Variants in NCOA3 observed in about 807,000 individuals in gnomAD.
The protein encoded by NCOA3 is CBP-interacting protein.
In NCOA3, 51 loss-of-function variants were observed where a neutral mutation model predicts 158.8. That is an observed-to-expected ratio of 0.32 (90% CI 0.26 to 0.41). The LOEUF (loss-of-function observed/expected upper bound fraction) is 0.41, where lower values mean the gene tolerates loss of function less well. NCOA3 is among the 10% of genes least tolerant of loss of function. NCOA3 has a pLI of 1.00. For synonymous variants in NCOA3, 537 were observed against 592.4 expected, an observed-to-expected ratio of 0.91 and a Z score of 1.36; for missense variants, 1,510 against 1,746.6, an observed-to-expected ratio of 0.86 and a Z score of 2.41.
intron 1 of NCOA3, among the ~76,000 whole-genome samples, chr20:47,563,490 A>G (rs543983248): frequency 4.6e-5 from 7 of 152,314 alleles, no homozygotes; most frequent in African/African-American, 1.7e-4. Context: ...AAAAAGGGAA[A>G]AAAATGGTAC....
chr20:47,643,249 C>T (rs1182708568), intron 17 of NCOA3, among the ~76,000 whole-genome samples: 1 of 152,206 alleles, frequency 6.6e-6, no homozygotes, highest in Non-Finnish European at 1.5e-5. Flanking sequence ...GGAGGGGCCA[C>T]TGTATAGGTT....
At chr20:47,583,696 T>G (rs1472691143) in intron 2 of NCOA3, among the ~76,000 whole-genome samples, 1 of 152,232 alleles carries the variant, frequency 6.6e-6, no homozygotes, top group African/African-American at 2.4e-5. Context: ...TGACTCATGT[T>G]TATAATCCTA....
intron 2 of NCOA3, among the ~76,000 whole-genome samples, chr20:47,600,495 C>G (rs2085842910): frequency 6.8e-6 from 1 of 147,928 alleles, no homozygotes; most frequent in South Asian, 2.2e-4. Flanking sequence ...ATTTTAAAAG[C>G]TTAAATGTGT....
Position 47,652,564 on chromosome 20 carries a change from A to T in NCOA3, c.4105A>T (p.Asn1369Tyr), listed in dbSNP as rs763715352. ...AGAAATGAAGGGCTGGCCATCAGGA[A>T]ATTTGGCCAGGAACAGGTAAAGAAC... ...SSEMKGWPSG[N>Y]LARNSSFSQQ... is the part of the protein sequence containing the mutation. Residue 1369 changes from asparagine to tyrosine, a missense_variant, in exon 21 of 23, where the codon AAT becomes TAT. Asn to Tyr is a moderately radical substitution (Grantham distance 143, BLOSUM62 -2). This residue lies in a region of NCOA3 where 180 missense variants were observed against 199.3 expected (regional missense o/e 0.90). Coordinates refer to ENST00000371998, the MANE Select transcript of NCOA3 (RefSeq NM_181659.3). The T allele has an allele frequency of 6.2e-7, 1 of 1,608,956 alleles. No homozygotes were observed. The highest frequency in any genetic ancestry group is 8.5e-7 in the Non-Finnish European group (1 of 1,175,610).
intron 1 of NCOA3, among the ~76,000 whole-genome samples, chr20:47,574,740 A>G (rs2085346917): frequency 6.6e-6 from 1 of 152,182 alleles, no homozygotes; most frequent in Non-Finnish European, 1.5e-5. Flanking sequence ...TACGCTTTGC[A>G]TAGCAAGTAC....
At chr20:47,562,417 T>G (rs2085122614) in intron 1 of NCOA3, among the ~76,000 whole-genome samples, 1 of 152,280 alleles carries the variant, frequency 6.6e-6, no homozygotes, top group Non-Finnish European at 1.5e-5. Context: ...GTCAGTGTTC[T>G]AGATTTTGGC....
intron 1 of NCOA3, among the ~76,000 whole-genome samples, chr20:47,547,421 A>ATTC (rs1189202349): frequency 6.7e-6 from 1 of 150,250 alleles, no homozygotes; most frequent in Non-Finnish European, 1.5e-5. Context: ...TATTATTATT[A>ATTC]TTATTATTTT....
intron 4 of NCOA3, 24 bp downstream of exon 4, chr20:47,624,107 T>C: frequency 3.8e-6 from 6 of 1,584,098 alleles, no homozygotes; most frequent in Non-Finnish European, 5.1e-6. Flanking sequence ...TCATGTCTTT[T>C]TGAACAGTGG....
chr20:47,570,453 A>T (rs1268194455), intron 1 of NCOA3, among the ~76,000 whole-genome samples: 1 of 152,148 alleles, frequency 6.6e-6, no homozygotes, highest in Non-Finnish European at 1.5e-5. Flanking sequence ...AAAAGCAGGG[A>T]GCAACTCCTC....
intron 2 of NCOA3, among the ~76,000 whole-genome samples, chr20:47,594,788 ATTTTTT>A (rs768342979): frequency 2.9e-5 from 3 of 102,416 alleles, no homozygotes; most frequent in East Asian, 3.1e-4. Flanking sequence ...AGAATACCTG[ATTTTTT>A]TTTTTTTTTT....
At chr20:47,571,928 A>G (rs1568692688) in intron 1 of NCOA3, among the ~76,000 whole-genome samples, 1 of 151,950 alleles carries the variant, frequency 6.6e-6, no homozygotes, top group Non-Finnish European at 1.5e-5. Context: ...GGGTTTCACC[A>G]TGTTGCCCAG....
At chr20:47,619,018 C>T (rs1456229073) in intron 2 of NCOA3, among the ~76,000 whole-genome samples, 2 of 152,124 alleles carry the variant, frequency 1.3e-5, no homozygotes, top group Non-Finnish European at 2.9e-5. Context: ...AGTAGGATTG[C>T]ATTGAATGAT....
intron 1 of NCOA3, among the ~76,000 whole-genome samples, chr20:47,551,212 A>T (rs1163922284): frequency 1.3e-5 from 2 of 152,194 alleles, no homozygotes; most frequent in African/African-American, 4.8e-5. Context: ...ATATCTTGGA[A>T]GTGACTACTT....
At chr20:47,637,911 G>A (rs902163328) in intron 13 of NCOA3, 128 bp downstream of exon 13, 1 of 795,738 alleles carries the variant, frequency 1.3e-6, no homozygotes. Flanking sequence ...TTCTGCCTCT[G>A]TTTTCTATAC....
intron 1 of NCOA3, 61 bp downstream of exon 1, chr20:47,502,080 A>T (rs955936550): frequency 2.0e-5 from 8 of 398,770 alleles, no homozygotes; most frequent in Non-Finnish European, 3.5e-5. Flanking sequence ...AGGCGGAGGG[A>T]AGAGGGGCGA....
At chr20:47,539,531 T>G (rs2084688896) in intron 1 of NCOA3, among the ~76,000 whole-genome samples, 1 of 152,188 alleles carries the variant, frequency 6.6e-6, no homozygotes, top group Non-Finnish European at 1.5e-5. Flanking sequence ...ACACACTGAA[T>G]GGCAAAGTGC....
intron 1 of NCOA3, among the ~76,000 whole-genome samples, chr20:47,510,879 A>G (rs1327264600): frequency 6.6e-6 from 1 of 152,104 alleles, no homozygotes; most frequent in Non-Finnish European, 1.5e-5. Context: ...CATCGTGCCC[A>G]GTATAGTGAG....
At chr20:47,519,162 C>T (rs1332592638) in intron 1 of NCOA3, among the ~76,000 whole-genome samples, 6 of 140,928 alleles carry the variant, frequency 4.3e-5, no homozygotes, top group East Asian at 2.1e-4. Flanking sequence ...AAGCCAGGCA[C>T]GGTGGGTCAC....
intron 1 of NCOA3, among the ~76,000 whole-genome samples, chr20:47,577,366 C>T (rs1238783648): frequency 1.3e-5 from 2 of 152,146 alleles, no homozygotes; most frequent in African/African-American, 4.8e-5. Flanking sequence ...ATTAATGCCT[C>T]CCCCTTTGGC....
Sources: gnomAD v4.1 joint callset for allele counts (sites outside exome capture counted in the v4.1 genomes callset) on GRCh38, gnomAD v4.1.1 for gene constraint, gnomAD v4.1.1 regional missense constraint, MANE v1.5 for transcripts, NCBI Gene and HGNC (gene_info 2026-07-23, HGNC 2026-07-21) for gene names.